Variants in GATAD2B observed in about 807,000 individuals in gnomAD.
GATAD2B encodes transcriptional repressor p66-beta.
GATAD2B carries 8 observed loss-of-function variants against 64.3 expected under a neutral mutation model. The ratio of observed to expected loss-of-function variants is 0.12; its 90% CI spans 0.07 to 0.22. GATAD2B has a LOEUF of 0.22. Ranked by LOEUF, GATAD2B falls within the 10% of genes least tolerant of loss-of-function variation. The pLI is 1.00. For synonymous variants in GATAD2B, 281 were observed against 271.3 expected, an observed-to-expected ratio of 1.04 and a Z score of -0.35; for missense variants, 453 against 752.0, an observed-to-expected ratio of 0.60 and a Z score of 4.65.
At chr1:153,873,752 T>A (rs1175572432) in intron 1 of GATAD2B, among the ~76,000 whole-genome samples, 2 of 152,176 alleles carry the variant, frequency 1.3e-5, no homozygotes, top group African/African-American at 4.8e-5. Context: ...CACTCCAGCC[T>A]AGGCAACATA....
chr1:153,870,287 C>G (rs1231561081), intron 1 of GATAD2B, among the ~76,000 whole-genome samples: 1 of 152,044 alleles, frequency 6.6e-6, no homozygotes, highest in African/African-American at 2.4e-5. Context: ...AGGAAAAAAT[C>G]CGGCCAGGCA....
chr1:153,834,573 A>G lies in GATAD2B; in HGVS notation c.-1-6225T>C, dbSNP rs113719911. ...GCCCAGCTAATTTTGTATTTTTAGT[A>G]GAGAAAGGGTTTCTCCATGTTGGTC... On this transcript the variant is annotated intron_variant, in intron 1 of 10. Coordinates refer to ENST00000368655, the MANE Select transcript of GATAD2B (RefSeq NM_020699.4). Among the ~76,000 whole-genome samples, 520 of 152,034 alleles carry G rather than the reference A, an allele frequency of 3.4e-3. 7 individuals carry two copies. Among genetic ancestry groups the G allele is most frequent in the African/African-American group, 0.011 (471 of 41,480 alleles).
chr1:153,824,607 G>GC (rs1674804080), intron 2 of GATAD2B, among the ~76,000 whole-genome samples: 2 of 83,916 alleles, frequency 2.4e-5, no homozygotes, highest in Non-Finnish European at 2.3e-5. Flanking sequence ...GCGAGACTCT[G>GC]CCTTTAAAAA....
intron 1 of GATAD2B, among the ~76,000 whole-genome samples, chr1:153,903,264 G>C (rs1056598923): frequency 1.3e-5 from 2 of 151,800 alleles, no homozygotes; most frequent in African/African-American, 4.8e-5. Context: ...TGACAAGCAG[G>C]ACAAGAGACC....
At chr1:153,856,859 A>G (rs1676098384) in intron 1 of GATAD2B, among the ~76,000 whole-genome samples, 1 of 152,200 alleles carries the variant, frequency 6.6e-6, no homozygotes, top group Non-Finnish European at 1.5e-5. Flanking sequence ...CATTTAATTG[A>G]GCAGTATGAA....
chr1:153,914,165 C>A (rs192017013), intron 1 of GATAD2B, among the ~76,000 whole-genome samples: 3 of 147,248 alleles, frequency 2.0e-5, no homozygotes, highest in African/African-American at 7.6e-5. Flanking sequence ...ATCGTTTGAA[C>A]CCGGGAGGCG....
chr1:153,824,612 T>TAAAAAAA (rs771879855), intron 2 of GATAD2B, among the ~76,000 whole-genome samples: 2 of 96,698 alleles, frequency 2.1e-5, no homozygotes, highest in Admixed American at 1.4e-4. Flanking sequence ...ACTCTGCCTT[T>TAAAAAAA]AAAAAAAAAA....
In GATAD2B at chr1:153,852,121, C is replaced by T. The variant is rs564763383; in HGVS notation, c.-1-23773G>A. On this transcript the variant is annotated intron_variant, in intron 1 of 10. Coordinates refer to ENST00000368655, the MANE Select transcript of GATAD2B (RefSeq NM_020699.4). ...AGTTTAATGAGTTTTGTGCTCAGAT[C>T]GCTGGGCCTCCTGGCTGCTCTTGTC... 129 of 646,626 alleles carry T rather than the reference C, an allele frequency of 2.0e-4. No homozygotes were observed. The South Asian group carries it at 2.5e-3, about 13-fold the overall frequency. 40.1% of individuals were successfully genotyped at this position (646,626 alleles called of 1,614,324 possible). A position where few individuals can be genotyped will look rare whatever the true frequency, so the allele number is the denominator to read the frequency against.
rs78311876 is a variant in GATAD2B, at chr1:153,828,524, T to C, written c.-1-176A>G. On this transcript the variant is annotated intron_variant, in intron 1 of 10. Coordinates refer to ENST00000368655, the MANE Select transcript of GATAD2B (RefSeq NM_020699.4). ...AAAGTTAACTAAGCTATGTCCTACC[T>C]GATATTGTCCTAGAACATTTATATT... 7.4e-4 allele frequency among the ~76,000 whole-genome samples: 112 copies of C among 151,930 alleles called. 1 individual carries two copies. In the East Asian group the frequency reaches 0.02, roughly 27 times the overall value.
intron 1 of GATAD2B, among the ~76,000 whole-genome samples, chr1:153,890,192 A>G (rs1677330385): frequency 1.3e-5 from 2 of 150,400 alleles, no homozygotes; most frequent in Admixed American, 1.3e-4. Flanking sequence ...AAAAAGAAAA[A>G]AAAAGAAAGA....
At chr1:153,817,284 TAA>T in intron 6 of GATAD2B, 86 bp downstream of exon 6, 1 of 1,290,954 alleles carries the variant, frequency 7.7e-7, no homozygotes. Flanking sequence ...TATCTATGTA[TAA>T]AAACTTAAAA....
chr1:153,811,951 G>C (rs1674306595), intron 9 of GATAD2B, 71 bp downstream of exon 9: 5 of 1,292,504 alleles, frequency 3.9e-6, no homozygotes, highest in African/African-American at 1.5e-5. Context: ...TCCCACAATA[G>C]AAAGGACAAA....
chr1:153,894,645 G>A (rs1050582591), intron 1 of GATAD2B, among the ~76,000 whole-genome samples: 6 of 151,106 alleles, frequency 4.0e-5, no homozygotes, highest in Non-Finnish European at 8.8e-5. Context: ...GGCAGATCAC[G>A]AGGTCAGAAG....
intron 1 of GATAD2B, among the ~76,000 whole-genome samples, chr1:153,832,413 CCTAA>C (rs1354403395): frequency 3.9e-5 from 6 of 152,120 alleles, no homozygotes; most frequent in South Asian, 2.1e-4. Flanking sequence ...AGAATCAGGC[CCTAA>C]CTCTCTTCAA....
chr1:153,852,713 A>G (rs1675945294), intron 1 of GATAD2B: 1 of 929,594 alleles, frequency 1.1e-6, no homozygotes, highest in Admixed American at 1.7e-5. Context: ...GAGCCTGCTC[A>G]TACGAAGTGA....
chr1:153,826,019 T>C (rs961475046), intron 2 of GATAD2B, among the ~76,000 whole-genome samples: 1 of 151,856 alleles, frequency 6.6e-6, no homozygotes, highest in African/African-American at 2.4e-5. Flanking sequence ...TTTTTTTTTT[T>C]TTCAGACGAA....
intron 6 of GATAD2B, among the ~76,000 whole-genome samples, chr1:153,817,153 G>C (rs1002036000): frequency 6.6e-6 from 1 of 152,130 alleles, no homozygotes; most frequent in Admixed American, 6.6e-5. Context: ...TTAGCTTACT[G>C]CTGCTCTGCT....
intron 1 of GATAD2B, among the ~76,000 whole-genome samples, chr1:153,846,557 C>CTTTTTTTTT: frequency 8.8e-6 from 1 of 113,860 alleles, no homozygotes; most frequent in Non-Finnish European, 1.8e-5. Flanking sequence ...TCTTTGCGTT[C>CTTTTTTTTT]TTTTTTTTTT....
intron 7 of GATAD2B, among the ~76,000 whole-genome samples, chr1:153,814,539 G>A (rs1674390890): frequency 6.6e-6 from 1 of 152,196 alleles, no homozygotes; most frequent in Non-Finnish European, 1.5e-5. Context: ...TTGGGAGGCT[G>A]AGGCAGGCAG....
Sources: gnomAD v4.1 joint callset for allele counts (sites outside exome capture counted in the v4.1 genomes callset) on GRCh38, gnomAD v4.1.1 for gene constraint, MANE v1.5 for transcripts, NCBI Gene and HGNC (gene_info 2026-07-23, HGNC 2026-07-21) for gene names.